Variants in ADGB observed in about 807,000 individuals in gnomAD.
The protein encoded by ADGB is androglobin.
Under a neutral mutation model 210.5 loss-of-function variants are expected in ADGB, and 172 were observed. That is an observed-to-expected ratio of 0.82 (90% confidence interval 0.72 to 0.93). The LOEUF (loss-of-function observed/expected upper bound fraction) is 0.93. Among genes scored for constraint, ADGB ranks in the 40% least tolerant of loss-of-function variants. ADGB has a pLI of 0.00. For missense variants in ADGB, 2,025 were observed against 1,964.8 expected (o/e 1.03, Z -0.58); for synonymous variants, 658 against 662.7 (o/e 0.99, Z 0.11).
chr6:146,642,169 T>G (rs1009116311), intron 2 of ADGB, among the ~76,000 whole-genome samples: 2 of 150,682 alleles, frequency 1.3e-5, no homozygotes, highest in African/African-American at 4.9e-5. Context: ...AGCTCAATAT[T>G]ACTTATTATT....
intron 12 of ADGB, among the ~76,000 whole-genome samples, chr6:146,694,512 T>C (rs947565820): frequency 1.3e-5 from 2 of 152,270 alleles, no homozygotes; most frequent in African/African-American, 2.4e-5. Flanking sequence ...AACATATAAA[T>C]TTGATGGCAG....
intron 8 of ADGB, among the ~76,000 whole-genome samples, chr6:146,675,110 A>G (rs1776068271): frequency 6.6e-6 from 1 of 152,138 alleles, no homozygotes; most frequent in Non-Finnish European, 1.5e-5. Context: ...GATTGAAGTT[A>G]TAGTTATCTT....
In ADGB at chr6:146,656,663, T is replaced by A. The variant is rs552708558; in HGVS notation, c.403-108T>A. On this transcript the variant is annotated intron_variant, in intron 4 of 35. Transcript: ENST00000397944. ...GAAAGTATGGAATACATTACATGTA[T>A]AATTTAATATTATTCTTGGAAGTGG... 16 of 718,808 alleles carry A rather than the reference T, an allele frequency of 2.2e-5. No individual in the cohort carries two copies. The South Asian group carries it at 3.6e-4, about 16-fold the overall frequency. 44.5% of individuals were successfully genotyped at this position (718,808 alleles called of 1,614,324 possible). A position where few individuals can be genotyped will look rare whatever the true frequency, so the allele number is the denominator to read the frequency against.
intron 1 of ADGB, among the ~76,000 whole-genome samples, chr6:146,626,747 T>C (rs1307571566): frequency 6.6e-6 from 1 of 151,908 alleles, no homozygotes; most frequent in African/African-American, 2.4e-5. Flanking sequence ...CTTGGCATGG[T>C]TTTTTTCAGT....
At chr6:146,604,327 G>T (rs181791948) in intron 1 of ADGB, among the ~76,000 whole-genome samples, 60 of 152,222 alleles carry the variant, frequency 3.9e-4, no homozygotes, top group Non-Finnish European at 7.8e-4. Flanking sequence ...CCAAGTCCAC[G>T]CAGGGGAAGT....
At chr6:146,674,234 G>T (rs971695610) in intron 8 of ADGB, among the ~76,000 whole-genome samples, 11 of 152,150 alleles carry the variant, frequency 7.2e-5, no homozygotes, top group African/African-American at 2.7e-4. Context: ...GTAAAATAAT[G>T]TATAAACAAC....
chr6:146,753,002 T>C (rs893716439), intron 27 of ADGB, among the ~76,000 whole-genome samples: 1 of 152,134 alleles, frequency 6.6e-6, no homozygotes, highest in African/African-American at 2.4e-5. Flanking sequence ...ATTTTTACTT[T>C]TTTAAATTCG....
At chr6:146,783,801 A>G (rs1056350231) in intron 30 of ADGB, among the ~76,000 whole-genome samples, 5 of 152,080 alleles carry the variant, frequency 3.3e-5, no homozygotes, top group African/African-American at 4.8e-5. Context: ...TTCCTACCCA[A>G]TTGCCACCTA....
intron 13 of ADGB, among the ~76,000 whole-genome samples, chr6:146,703,950 T>C (rs1311517630): frequency 6.6e-6 from 1 of 151,990 alleles, no homozygotes; most frequent in Non-Finnish European, 1.5e-5. Context: ...AGGTTTCCCT[T>C]ATTTCCACAT....
At chr6:146,677,853 T>C (rs987428748) in intron 9 of ADGB, among the ~76,000 whole-genome samples, 3 of 152,190 alleles carry the variant, frequency 2.0e-5, no homozygotes, top group African/African-American at 7.2e-5. Flanking sequence ...CATTATTGTT[T>C]TGGTGAGGGT....
intron 30 of ADGB, among the ~76,000 whole-genome samples, chr6:146,783,583 A>G (rs1436932150): frequency 6.6e-6 from 1 of 152,236 alleles, no homozygotes; most frequent in Non-Finnish European, 1.5e-5. Context: ...ATAATTTCCA[A>G]TTGTGAAAGT....
chr6:146,667,471 A>G (rs1478829119), intron 7 of ADGB, among the ~76,000 whole-genome samples: 2 of 151,984 alleles, frequency 1.3e-5, no homozygotes, highest in Non-Finnish European at 2.9e-5. Context: ...TCTTGCTTTT[A>G]GGCAAATAGA....
At chr6:146,715,145 A>T (rs899564412) in intron 13 of ADGB, among the ~76,000 whole-genome samples, 1 of 152,240 alleles carries the variant, frequency 6.6e-6, no homozygotes, top group African/African-American at 2.4e-5. Flanking sequence ...TTAGTAAATT[A>T]ACATATTCTG....
Position 146,752,729 on chromosome 6 carries a change from A to G in ADGB, c.3550+15A>G. The G allele has an allele frequency of 6.5e-7, 1 of 1,530,422 alleles. No homozygotes were observed. The highest frequency in any genetic ancestry group is 8.8e-7 in the Non-Finnish European group (1 of 1,137,894). The allele number at this position is 1,530,422 out of a possible 1,614,324, so 94.8% of individuals were successfully genotyped here. ...GAGCTCCCAGTGTAAGTGTACCTTT[A>G]TGAACAGGATAGTTAGATTCATAAA... On this transcript the variant is annotated intron_variant, in intron 27 of 35. Coordinates refer to ENST00000397944, the MANE Select transcript of ADGB (RefSeq NM_024694.4).
At chr6:146,769,160 A>C (rs745440064) in intron 29 of ADGB, 29 bp downstream of exon 29, 44 of 1,115,086 alleles carry the variant, frequency 3.9e-5, no homozygotes, top group Non-Finnish European at 5.3e-5. Context: ...TTAAACATGC[A>C]CTTTACATTT....
Position 146,802,958 on chromosome 6 carries a change from C to T in ADGB, c.4818+947C>T, listed in dbSNP as rs557032618. ...AATTTGTTTTGGATGATAGTTCTGA[C>T]CACCACCTTTTAATGACTGCTTGAA... On this transcript the variant is annotated intron_variant, in intron 35 of 35. Transcript: ENST00000397944. 1.3e-5 allele frequency: 21 copies of T among 1,609,880 alleles called. No homozygotes were observed. In the South Asian group the frequency reaches 2.2e-4, roughly 17 times the overall value.
At chr6:146,731,214 T>C (rs1264880828) in intron 20 of ADGB, among the ~76,000 whole-genome samples, 1 of 152,134 alleles carries the variant, frequency 6.6e-6, no homozygotes, top group Admixed American at 6.5e-5. Context: ...GAGAGTAATA[T>C]ACAAGAAATA....
At chr6:146,724,660 T>A (rs1314651668) in intron 18 of ADGB, 1 of 156,632 alleles carries the variant, frequency 6.4e-6, no homozygotes, top group Non-Finnish European at 1.4e-5. Context: ...TACTTTAGTA[T>A]GAATTTTCTC....
At chr6:146,803,439 A>C (rs1180598596) in intron 35 of ADGB, 1 of 1,605,290 alleles carries the variant, frequency 6.2e-7, no homozygotes, top group Non-Finnish European at 8.5e-7. Flanking sequence ...CCCACCTTCC[A>C]GGGGGCTGTT....
Sources: allele counts gnomAD v4.1 joint callset (sites outside exome capture counted in the v4.1 genomes callset), GRCh38; gene constraint gnomAD v4.1.1; transcripts MANE v1.5; gene names NCBI Gene and HGNC (gene_info 2026-07-23, HGNC 2026-07-21).